The following HEPHL1 variants were observed in gnomAD, a reference collection of about 807,000 sequenced individuals.
HEPHL1 encodes hephaestin like 1, also known as ferroxidase HEPHL1.
HEPHL1 carries 123 observed loss-of-function variants against 122.0 expected under a neutral mutation model. That is an observed-to-expected ratio of 1.01 (90% CI 0.87 to 1.17). HEPHL1 has a LOEUF of 1.17. HEPHL1 is among the 50% of genes most tolerant of loss of function. HEPHL1 has a pLI of 0.00. For synonymous variants in HEPHL1, 527 were observed against 508.9 expected (o/e 1.04, Z -0.48); for missense variants, 1,452 against 1,430.5 (o/e 1.01, Z -0.24).
chr11:94,029,005 GT>G (rs1945649228), intron 1 of HEPHL1, among the ~76,000 whole-genome samples: 1 of 151,614 alleles, frequency 6.6e-6, no homozygotes, highest in African/African-American at 2.4e-5. Flanking sequence ...TTTCCTATTA[GT>G]TAAAAAAGTA....
intron 1 of HEPHL1, among the ~76,000 whole-genome samples, chr11:94,033,025 G>C (rs1467149752): frequency 6.6e-6 from 1 of 152,102 alleles, no homozygotes; most frequent in African/African-American, 2.4e-5. Context: ...AAGAATCAGG[G>C]GAGAAGTGAC....
At chr11:94,111,626 T>C (rs777116194) in intron 19 of HEPHL1, 21 bp downstream of exon 19, 1 of 1,608,240 alleles carries the variant, frequency 6.2e-7, no homozygotes, top group East Asian at 2.2e-5. Flanking sequence ...CCTCTCCCCA[T>C]GTAAATGAGT....
intron 2 of HEPHL1, among the ~76,000 whole-genome samples, chr11:94,052,122 G>T (rs1039478717): frequency 6.6e-5 from 10 of 152,006 alleles, no homozygotes; most frequent in East Asian, 3.9e-4. Flanking sequence ...GGCTATTCTG[G>T]TTTTTTTGTG....
At chr11:94,100,969 C>A (rs1349757681) in intron 13 of HEPHL1, among the ~76,000 whole-genome samples, 1 of 152,102 alleles carries the variant, frequency 6.6e-6, no homozygotes, top group East Asian at 1.9e-4. Context: ...TACCCAAGGC[C>A]CCTCTAATAA....
intron 17 of HEPHL1, among the ~76,000 whole-genome samples, chr11:94,109,161 G>T (rs1946430110): frequency 6.6e-6 from 1 of 152,028 alleles, no homozygotes; most frequent in African/African-American, 2.4e-5. Context: ...ATTTATAGTT[G>T]TTTATTGCCA....
chr11:94,036,121 G>A (rs1945720159), intron 1 of HEPHL1, among the ~76,000 whole-genome samples: 1 of 152,204 alleles, frequency 6.6e-6, no homozygotes, highest in African/African-American at 2.4e-5. Flanking sequence ...AAGCCCTTAA[G>A]GGCGTATTTC....
chr11:94,095,969 G>A (rs1234826118), intron 13 of HEPHL1, among the ~76,000 whole-genome samples: 2 of 152,060 alleles, frequency 1.3e-5, no homozygotes, highest in Admixed American at 6.6e-5. Context: ...CTGCAAACAG[G>A]GACAATTTGA....
intron 1 of HEPHL1, among the ~76,000 whole-genome samples, chr11:94,036,910 G>A (rs112328731): frequency 2.2e-4 from 34 of 151,830 alleles, no homozygotes; most frequent in Non-Finnish European, 4.6e-4. Context: ...AGCTCCCAGC[G>A]TGAGCGACAC....
intron 1 of HEPHL1, among the ~76,000 whole-genome samples, chr11:94,024,248 T>A (rs886812203): frequency 1.1e-4 from 17 of 152,238 alleles, no homozygotes; most frequent in African/African-American, 4.1e-4. Context: ...TAACTTCTAA[T>A]GCTTGCTCTG....
chr11:94,065,391 A>G (rs1410076403), intron 4 of HEPHL1, among the ~76,000 whole-genome samples: 2 of 152,196 alleles, frequency 1.3e-5, no homozygotes, highest in Non-Finnish European at 1.5e-5. Context: ...TGACTTGCCT[A>G]AGGTCAAAGT....
At chr11:94,105,775 C>G (rs754656227) in intron 16 of HEPHL1, among the ~76,000 whole-genome samples, 1 of 151,894 alleles carries the variant, frequency 6.6e-6, no homozygotes, top group Non-Finnish European at 1.5e-5. Flanking sequence ...GGCTTTAAAA[C>G]TGCTATTTCT....
chr11:94,106,435 G>C (rs1435152260), intron 17 of HEPHL1, among the ~76,000 whole-genome samples: 1 of 151,882 alleles, frequency 6.6e-6, no homozygotes, highest in Non-Finnish European at 1.5e-5. Flanking sequence ...TGGGACTACA[G>C]GTGTGTCCCA....
chr11:94,098,155 G>T (rs1478351646), intron 13 of HEPHL1, among the ~76,000 whole-genome samples: 2 of 152,310 alleles, frequency 1.3e-5, no homozygotes, highest in African/African-American at 2.4e-5. Flanking sequence ...GGCTGGTACT[G>T]ATTGTTCCTT....
At position 94,101,114 on chromosome 11, in the gene HEPHL1, G is replaced by GACTA. The variant is rs1487181103; in HGVS notation, c.2435-76_2435-73dup. ...CAACTAAAGCCAAACTATTTTATTT[G>GACTA]ACTAACTACTGCCTATATTTAAATT... On this transcript the variant is annotated intron_variant, in intron 13 of 19. Coordinates refer to ENST00000315765, the MANE Select transcript of HEPHL1 (RefSeq NM_001098672.2). The GACTA allele has an allele frequency of 2.0e-6, 3 of 1,473,788 alleles. No individual in the cohort carries two copies. The African/African-American group carries it at 4.2e-5, about 21-fold the overall frequency. The allele number at this position is 1,473,788 out of a possible 1,614,324, so 91.3% of individuals were successfully genotyped here. A position where few individuals can be genotyped will look rare whatever the true frequency, so the allele number is the denominator to read the frequency against.
chr11:94,093,623 A>C lies in HEPHL1; in HGVS notation c.2417A>C (p.Glu806Ala), dbSNP rs1946280513. The C allele has an allele frequency of 6.2e-7, 1 of 1,613,314 alleles. No homozygotes were observed. The highest frequency in any genetic ancestry group is 8.5e-7 in the Non-Finnish European group (1 of 1,179,732). Reference protein sequence around the residue: ...VEIKARPPREEHLELLGPMIH... With the variant: ...VEIKARPPREAHLELLGPMIH... ...ATCAAAGCCCGACCACCACGAGAGG[A>C]GCACTTAGAACTCCTGGGTATGGCA... The change falls in exon 13 of 20, where the codon GAG (glutamate) becomes GCG (alanine). Residue 806 changes from glutamate (E) to alanine (A), a missense_variant. Transcript: ENST00000315765.
chr11:94,034,805 A>G (rs1945706885), intron 1 of HEPHL1, among the ~76,000 whole-genome samples: 3 of 152,230 alleles, frequency 2.0e-5, no homozygotes, highest in Admixed American at 6.5e-5. Flanking sequence ...CAAATCAGGC[A>G]TGAAGTTAAA....
intron 13 of HEPHL1, among the ~76,000 whole-genome samples, chr11:94,096,706 G>A (rs1946319006): frequency 6.6e-6 from 1 of 152,092 alleles, no homozygotes; most frequent in Non-Finnish European, 1.5e-5. Flanking sequence ...ACACGTTATT[G>A]GTCTATTCAG....
intron 1 of HEPHL1, among the ~76,000 whole-genome samples, chr11:94,028,639 C>A (rs1349403442): frequency 6.6e-6 from 1 of 152,188 alleles, no homozygotes; most frequent in Admixed American, 6.5e-5. Context: ...ACCTCCTTAG[C>A]TTGAGTCAAG....
chr11:94,077,252 G>A (rs1946133539), intron 9 of HEPHL1, among the ~76,000 whole-genome samples: 1 of 151,978 alleles, frequency 6.6e-6, no homozygotes, highest in African/African-American at 2.4e-5. Flanking sequence ...TTAAAATTTT[G>A]CCGATTGTCT....
Sources: allele counts gnomAD v4.1 joint callset (sites outside exome capture counted in the v4.1 genomes callset), GRCh38; gene constraint gnomAD v4.1.1; transcripts MANE v1.5; gene names NCBI Gene and HGNC (gene_info 2026-07-23, HGNC 2026-07-21).